The following NDUFAF7 variants were observed in gnomAD, a reference collection of about 807,000 sequenced individuals.
NDUFAF7 encodes NADH:ubiquinone oxidoreductase complex assembly factor 7.
In NDUFAF7, 48 loss-of-function variants were observed where a neutral mutation model predicts 47.2. That is an observed-to-expected ratio of 1.02 (90% CI 0.81 to 1.29). NDUFAF7 has a LOEUF of 1.29. NDUFAF7 is among the 50% of genes most tolerant of loss of function. The pLI, the probability that NDUFAF7 is intolerant of heterozygous loss-of-function variation, is 0.00. For missense variants in NDUFAF7, 635 were observed against 537.6 expected (o/e 1.18, Z -1.79); for synonymous variants, 217 against 190.0 (o/e 1.14, Z -1.17).
chr2:37,265,060 GAA>G, the NDUFAF7 span, among the ~76,000 whole-genome samples: 2 of 152,188 alleles, frequency 1.3e-5, no homozygotes, highest in African/African-American at 2.4e-5. Flanking sequence ...GCATGGGAAA[GAA>G]AAGCTATGGA....
chr2:37,254,212 A>G, downstream of NDUFAF7: 1 of 1,609,244 alleles, frequency 6.2e-7, no homozygotes, highest in Non-Finnish European at 8.5e-7. Flanking sequence ...ACCTGTAGCC[A>G]GGGATGACTA....
At chr2:37,245,498 T>G (rs767053624) in intron 7 of NDUFAF7, among the ~76,000 whole-genome samples, 3 of 152,216 alleles carry the variant, frequency 2.0e-5, no homozygotes, top group Non-Finnish European at 4.4e-5. Flanking sequence ...TTCAATACAT[T>G]GGCACTAGTT....
At chr2:37,254,354 G>T (rs997779713), downstream of NDUFAF7, 20 of 1,254,390 alleles carry the variant, frequency 1.6e-5, no homozygotes, top group Middle Eastern at 3.7e-4. Context: ...ACTTGTGACT[G>T]CCTAGAAGGC....
At chr2:37,242,522 T>G in intron 5 of NDUFAF7, 113 bp from the exon 6 acceptor site, 1 of 765,502 alleles carries the variant, frequency 1.3e-6, no homozygotes, top group African/African-American at 1.7e-5. Flanking sequence ...GGTAGATAAT[T>G]CTGTGGTAGT....
At chr2:37,269,341 C>G in the NDUFAF7 span, 3 of 399,782 alleles carry the variant, frequency 7.5e-6, no homozygotes, top group East Asian at 4.7e-5. Context: ...ATCTCCCCCC[C>G]TGCCTCCGAC....
chr2:37,270,364 A>AC, the NDUFAF7 span, among the ~76,000 whole-genome samples: 17 of 151,672 alleles, frequency 1.1e-4, no homozygotes, highest in Middle Eastern at 3.2e-3. Flanking sequence ...AAAAAAAAAA[A>AC]AAAACTCAAA....
intron 2 of NDUFAF7, 79 bp downstream of exon 2, chr2:37,232,345 G>A: frequency 1.3e-6 from 2 of 1,575,804 alleles, no homozygotes; most frequent in Non-Finnish European, 1.7e-6. Flanking sequence ...AAGCCCGAAG[G>A]TTCTCAGCCC....
downstream of NDUFAF7, among the ~76,000 whole-genome samples, chr2:37,257,868 A>G (rs1171544394): frequency 6.6e-6 from 1 of 152,120 alleles, no homozygotes; most frequent in Non-Finnish European, 1.5e-5. Context: ...ACACTTTTCT[A>G]TCACTGTGGA....
At chr2:37,267,359 AAAAG>A in the NDUFAF7 span, 10 of 1,128,426 alleles carry the variant, frequency 8.9e-6, no homozygotes, top group African/African-American at 4.8e-5. Flanking sequence ...AAAAAAAAAA[AAAAG>A]AGAAGCAGTT....
At chr2:37,261,715 G>C in the NDUFAF7 span, among the ~76,000 whole-genome samples, 18 of 152,354 alleles carry the variant, frequency 1.2e-4, no homozygotes, top group African/African-American at 3.4e-4. Context: ...GGGAGGCAGA[G>C]GTTGCGGTGA....
At chr2:37,245,557 G>A (rs1237942204) in intron 7 of NDUFAF7, among the ~76,000 whole-genome samples, 3 of 152,126 alleles carry the variant, frequency 2.0e-5, no homozygotes, top group African/African-American at 2.4e-5. Flanking sequence ...GATACTTTCT[G>A]GCACAACAGA....
the NDUFAF7 span, among the ~76,000 whole-genome samples, chr2:37,262,121 C>G: frequency 6.6e-6 from 1 of 152,258 alleles, no homozygotes; most frequent in African/African-American, 2.4e-5. Flanking sequence ...ATGACCCCGT[C>G]GCAAAATGAG....
the NDUFAF7 span, among the ~76,000 whole-genome samples, chr2:37,263,712 G>C: frequency 6.6e-6 from 1 of 152,160 alleles, no homozygotes; most frequent in Non-Finnish European, 1.5e-5. Context: ...GAGGACATAA[G>C]GGCTGCAGAT....
intron 2 of NDUFAF7, among the ~76,000 whole-genome samples, chr2:37,234,112 T>A (rs778112066): frequency 5.3e-5 from 8 of 152,128 alleles, no homozygotes; most frequent in Non-Finnish European, 1.0e-4. Flanking sequence ...CTTTTTGAGA[T>A]AGAGTCTCAT....
At chr2:37,243,342 C>G (rs1030014626) in intron 6 of NDUFAF7, among the ~76,000 whole-genome samples, 2 of 152,054 alleles carry the variant, frequency 1.3e-5, no homozygotes, top group African/African-American at 4.8e-5. Flanking sequence ...TTCCCAGCTA[C>G]TAGGGAGGCT....
intron 6 of NDUFAF7, among the ~76,000 whole-genome samples, chr2:37,243,343 TA>T (rs1241721694): frequency 1.3e-5 from 2 of 152,014 alleles, no homozygotes; most frequent in African/African-American, 4.8e-5. Context: ...TCCCAGCTAC[TA>T]GGGAGGCTGA....
downstream of NDUFAF7, chr2:37,251,166 A>G (rs1256144490): frequency 6.6e-6 from 1 of 152,630 alleles, no homozygotes; most frequent in African/African-American, 2.4e-5. Context: ...CTGGGAAGTC[A>G]TCCTCTATCA....
At chr2:37,250,811 A>G (rs1473076228), downstream of NDUFAF7, 1 of 152,640 alleles carries the variant, frequency 6.6e-6, no homozygotes, top group Non-Finnish European at 1.5e-5. Context: ...GTCATTATAG[A>G]CTACTTTGTA....
intron 4 of NDUFAF7, among the ~76,000 whole-genome samples, chr2:37,239,702 T>C (rs1037627142): frequency 1.2e-4 from 18 of 151,944 alleles, no homozygotes; most frequent in Non-Finnish European, 2.9e-5. Context: ...AATATAACAG[T>C]GTTCAACATG....
Sources: gnomAD v4.1 joint callset for allele counts (sites outside exome capture counted in the v4.1 genomes callset) on GRCh38, gnomAD v4.1.1 for gene constraint, MANE v1.5 for transcripts, NCBI Gene and HGNC (gene_info 2026-07-23, HGNC 2026-07-21) for gene names.